Variants in GLIS3 observed in about 807,000 individuals in gnomAD.
The protein encoded by GLIS3 is GLIS family zinc finger 3.
In GLIS3, 53 loss-of-function variants were observed where a neutral mutation model predicts 78.6. The observed-to-expected ratio is 0.67, with a 90% CI of 0.54 to 0.85. GLIS3 has a LOEUF of 0.85. GLIS3 is among the 40% of genes least tolerant of loss of function. The pLI is 0.00. For missense variants in GLIS3, 1,703 were observed against 1,231.1 expected, an observed-to-expected ratio of 1.38 and a Z score of -5.74; for synonymous variants, 684 against 509.9, an observed-to-expected ratio of 1.34 and a Z score of -4.60.
At chr9:4,029,526 T>A (rs1257365677) in intron 4 of GLIS3, among the ~76,000 whole-genome samples, 1 of 152,164 alleles carries the variant, frequency 6.6e-6, no homozygotes, top group Non-Finnish European at 1.5e-5. Context: ...GTGGTGCCAT[T>A]GAATAGTAGG....
In GLIS3 at chr9:3,977,887, C is replaced by T. The variant is rs187757338; in HGVS notation, c.1711-40698G>A. ...GGTGAGGAGGTCTAATTTCACACCACGCAGCAATGAAATGCTGCTAACTTT... is the reference window on the plus strand; with the variant it reads ...GGTGAGGAGGTCTAATTTCACACCATGCAGCAATGAAATGCTGCTAACTTT... On this transcript the variant is annotated intron_variant, in intron 4 of 10. Transcript: ENST00000381971. The surrounding 1 kb of genome is among the most constrained non-coding windows in gnomAD (Gnocchi z 4.1). Among the ~76,000 whole-genome samples, 6 of 152,312 alleles carry T rather than the reference C, an allele frequency of 3.9e-5. No individual in the cohort carries two copies. The highest frequency in any genetic ancestry group is 2.1e-4 in the South Asian group (1 of 4,818).
At chr9:4,264,647 C>G (rs887173969) in intron 2 of GLIS3, among the ~76,000 whole-genome samples, 1 of 152,130 alleles carries the variant, frequency 6.6e-6, no homozygotes, top group African/African-American at 2.4e-5. Flanking sequence ...ACTCTTCACT[C>G]AAATCAGAGA....
At chr9:4,204,816 A>G (rs1819718163) in intron 2 of GLIS3, among the ~76,000 whole-genome samples, 1 of 152,032 alleles carries the variant, frequency 6.6e-6, no homozygotes, top group Admixed American at 6.6e-5. Context: ...CGGGAGGCTG[A>G]GGCAGAAGAA....
At chr9:3,974,125 A>G (rs1818589297) in intron 4 of GLIS3, among the ~76,000 whole-genome samples, 1 of 152,140 alleles carries the variant, frequency 6.6e-6, no homozygotes, top group Non-Finnish European at 1.5e-5. Context: ...CCAACCATAC[A>G]TGAAAACAGA....
At chr9:4,275,009 T>C (rs920538760) in intron 2 of GLIS3, among the ~76,000 whole-genome samples, 1 of 152,186 alleles carries the variant, frequency 6.6e-6, no homozygotes, top group Non-Finnish European at 1.5e-5. Flanking sequence ...GCCATGAAAA[T>C]AAGCACTAAA....
intron 4 of GLIS3, among the ~76,000 whole-genome samples, chr9:4,052,009 G>C (rs1825782930): frequency 6.6e-6 from 1 of 152,162 alleles, no homozygotes; most frequent in East Asian, 1.9e-4. Flanking sequence ...AGAGTGCATT[G>C]GGAGAGGCCC....
chr9:4,311,972 G>C (rs1455388974), intron 2 of GLIS3, among the ~76,000 whole-genome samples: 1 of 152,148 alleles, frequency 6.6e-6, no homozygotes, highest in African/African-American at 2.4e-5. Flanking sequence ...ACAGACAGTG[G>C]GGTCCACCCA....
At chr9:4,018,213 C>T (rs1255723016) in intron 4 of GLIS3, among the ~76,000 whole-genome samples, 1 of 152,198 alleles carries the variant, frequency 6.6e-6, no homozygotes, top group East Asian at 1.9e-4. Flanking sequence ...AGGCCTTTGT[C>T]ACATCCTCAC....
upstream of GLIS3, among the ~76,000 whole-genome samples, chr9:4,348,948 A>G (rs1412676864): frequency 6.6e-6 from 1 of 152,192 alleles, no homozygotes; most frequent in African/African-American, 2.4e-5. Context: ...TTTCCATAGG[A>G]AACATATATT....
chr9:3,884,391 G>C (rs1219220063), intron 7 of GLIS3, among the ~76,000 whole-genome samples: 1 of 152,158 alleles, frequency 6.6e-6, no homozygotes, highest in Non-Finnish European at 1.5e-5. Flanking sequence ...GACCTCCCTT[G>C]TCAGGCTAAG....
chr9:3,927,089 TA>T (rs1159075246), intron 6 of GLIS3, among the ~76,000 whole-genome samples: 2 of 152,238 alleles, frequency 1.3e-5, no homozygotes, highest in South Asian at 2.1e-4. Context: ...ATTTTCTGTT[TA>T]TTTTTTTTAC....
At chr9:3,954,698 G>GA (rs1213862282) in intron 4 of GLIS3, among the ~76,000 whole-genome samples, 1 of 151,932 alleles carries the variant, frequency 6.6e-6, no homozygotes, top group Non-Finnish European at 1.5e-5. Flanking sequence ...TGTTTATTTA[G>GA]AAAAAAAGAA....
At chr9:4,200,640 A>G (rs1028017519) in intron 2 of GLIS3, among the ~76,000 whole-genome samples, 12 of 152,258 alleles carry the variant, frequency 7.9e-5, no homozygotes, top group South Asian at 4.1e-4. Context: ...ACCAATATCG[A>G]GTTCCAAAAT....
intron 6 of GLIS3, among the ~76,000 whole-genome samples, chr9:3,926,824 CA>C (rs1241538294): frequency 4.6e-5 from 7 of 151,712 alleles, no homozygotes; most frequent in African/African-American, 1.7e-4. Flanking sequence ...GGGGATTCGT[CA>C]TGTTGGCCAG....
At chr9:4,120,724 T>G (rs1349481416) in intron 3 of GLIS3, among the ~76,000 whole-genome samples, 2 of 152,232 alleles carry the variant, frequency 1.3e-5, no homozygotes, top group Non-Finnish European at 2.9e-5. Flanking sequence ...AACCAGAGCT[T>G]TGGCAGAGCT....
chr9:4,469,712 C>G, the GLIS3 span, among the ~76,000 whole-genome samples: 2 of 152,164 alleles, frequency 1.3e-5, no homozygotes, highest in Admixed American at 1.3e-4. Flanking sequence ...AACCTAACAT[C>G]ACAATTAAAA....
intron 9 of GLIS3, among the ~76,000 whole-genome samples, chr9:3,848,812 G>C (rs183552838): frequency 6.6e-6 from 1 of 152,318 alleles, no homozygotes; most frequent in Admixed American, 6.5e-5. Context: ...GAAACCCTTT[G>C]TTTCTTGTTG....
At chr9:4,399,759 A>G in the GLIS3 span, among the ~76,000 whole-genome samples, 1 of 152,178 alleles carries the variant, frequency 6.6e-6, no homozygotes, top group African/African-American at 2.4e-5. Flanking sequence ...ACAGTGGTTC[A>G]ATGTGTGGGA....
chr9:4,483,975 G>A, the GLIS3 span, among the ~76,000 whole-genome samples: 3 of 152,190 alleles, frequency 2.0e-5, no homozygotes, highest in Admixed American at 1.3e-4. Context: ...AAGTGAATTA[G>A]TTTGGGCCAA....
Sources: allele counts gnomAD v4.1 joint callset (sites outside exome capture counted in the v4.1 genomes callset), GRCh38; gene constraint gnomAD v4.1.1; non-coding constraint Gnocchi (gnomAD v3.1); transcripts MANE v1.5; gene names NCBI Gene and HGNC (gene_info 2026-07-23, HGNC 2026-07-21).